SPAG6: variants seen among roughly 807,000 people sequenced by gnomAD.
SPAG6 encodes sperm-associated antigen 6.
SPAG6 carries 49 observed loss-of-function variants against 58.5 expected under a neutral mutation model. The observed-to-expected ratio is 0.84, with a 90% CI of 0.67 to 1.06. SPAG6 has a LOEUF of 1.06. Among genes scored for constraint, SPAG6 ranks in the 50% least tolerant of loss-of-function variants. The pLI, the probability that SPAG6 is intolerant of heterozygous loss-of-function variation, is 0.00. For missense variants in SPAG6, 560 were observed against 611.3 expected, an observed-to-expected ratio of 0.92 and a Z score of 0.89; for synonymous variants, 233 against 225.6, an observed-to-expected ratio of 1.03 and a Z score of -0.29.
intron 9 of SPAG6, among the ~76,000 whole-genome samples, chr10:22,409,740 T>C (rs1199544232): frequency 2.0e-5 from 3 of 152,138 alleles, no homozygotes; most frequent in African/African-American, 7.2e-5. Flanking sequence ...ACTTCCCACA[T>C]TGTGACCCCA....
intron 8 of SPAG6, 150 bp from the exon 9 acceptor site, chr10:22,401,011 T>C: frequency 1.7e-6 from 1 of 578,650 alleles, no homozygotes; most frequent in South Asian, 2.3e-5. Flanking sequence ...GCAGGAGTTT[T>C]TTTTGGACAA....
intron 4 of SPAG6, among the ~76,000 whole-genome samples, chr10:22,373,231 A>G (rs1833741181): frequency 6.6e-6 from 1 of 152,192 alleles, no homozygotes; most frequent in Non-Finnish European, 1.5e-5. Flanking sequence ...TGACGGAAAC[A>G]TTGAGTCCAT....
rs144018248 is a variant in SPAG6, at chr10:22,411,291, A to G, written c.1460+115A>G. 9.1e-4 allele frequency: 695 copies of G among 760,066 alleles called. 3 individuals carry two copies. In the African/African-American group the frequency reaches 0.011, roughly 12 times the overall value. 47.1% of individuals were successfully genotyped at this position (760,066 alleles called of 1,614,324 possible). A position where few individuals can be genotyped will look rare whatever the true frequency, so the allele number is the denominator to read the frequency against. ...GGACTTTGAAATACGATGTGAGGCC[A>G]ATATGTACCTTTATTTCTCTCTTGA... On this transcript the variant is annotated intron_variant, in intron 10 of 10. Coordinates refer to ENST00000376624, the MANE Select transcript of SPAG6 (RefSeq NM_012443.4).
chr10:22,355,640 G>C (rs1836844878), intron 2 of SPAG6, among the ~76,000 whole-genome samples: 1 of 152,162 alleles, frequency 6.6e-6, no homozygotes, highest in Admixed American at 6.5e-5. Flanking sequence ...AAGACTTTTT[G>C]TGTGTTATAA....
At chr10:22,412,460 G>C in intron 10 of SPAG6, 1 of 1,527,974 alleles carries the variant, frequency 6.5e-7, no homozygotes, top group Non-Finnish European at 8.8e-7. Context: ...TCTTTCCAGA[G>C]TTGCAAGTTT....
At chr10:22,356,281 C>T (rs1174264960) in intron 2 of SPAG6, among the ~76,000 whole-genome samples, 2 of 152,236 alleles carry the variant, frequency 1.3e-5, no homozygotes, top group African/African-American at 4.8e-5. Context: ...AGGATGGCTG[C>T]TGTGCTGTGC....
At chr10:22,403,092 T>C (rs1480707390) in intron 9 of SPAG6, among the ~76,000 whole-genome samples, 1 of 152,198 alleles carries the variant, frequency 6.6e-6, no homozygotes, top group Non-Finnish European at 1.5e-5. Flanking sequence ...CTGTATCATA[T>C]ACACTTATAA....
chr10:22,384,624 C>T (rs1207000164), intron 4 of SPAG6, among the ~76,000 whole-genome samples: 1 of 152,138 alleles, frequency 6.6e-6, no homozygotes, highest in Non-Finnish European at 1.5e-5. Context: ...GGGATGTAAA[C>T]TATATGAAAT....
intron 4 of SPAG6, among the ~76,000 whole-genome samples, chr10:22,372,078 A>G (rs991881593): frequency 2.0e-5 from 3 of 152,112 alleles, no homozygotes; most frequent in African/African-American, 7.2e-5. Context: ...TTCTTCTCAG[A>G]TAGGCTTTCG....
intron 10 of SPAG6, among the ~76,000 whole-genome samples, chr10:22,412,027 T>G (rs1331036679): frequency 6.6e-6 from 1 of 151,998 alleles, no homozygotes; most frequent in African/African-American, 2.4e-5. Flanking sequence ...TTTTTTGTAT[T>G]TTTAGTAGAG....
At chr10:22,389,394 C>T in intron 7 of SPAG6, 82 bp downstream of exon 7, 1 of 1,399,338 alleles carries the variant, frequency 7.1e-7, no homozygotes, top group East Asian at 2.3e-5. Flanking sequence ...CAACAGAATA[C>T]AAAATATAAC....
intron 3 of SPAG6, among the ~76,000 whole-genome samples, chr10:22,367,758 A>T (rs1398123297): frequency 6.6e-6 from 1 of 152,102 alleles, no homozygotes; most frequent in East Asian, 1.9e-4. Flanking sequence ...AGTTTCATTT[A>T]CTCATTCCTT....
intron 9 of SPAG6, among the ~76,000 whole-genome samples, chr10:22,410,796 T>C (rs1834712304): frequency 1.3e-5 from 2 of 152,202 alleles, no homozygotes; most frequent in African/African-American, 4.8e-5. Flanking sequence ...TGTGAGTGGA[T>C]CTCCATTGCC....
At chr10:22,367,170 A>G (rs1049075786) in intron 3 of SPAG6, among the ~76,000 whole-genome samples, 1 of 152,116 alleles carries the variant, frequency 6.6e-6, no homozygotes, top group Non-Finnish European at 1.5e-5. Context: ...TGTTCTGTAA[A>G]TTTGACAATT....
chr10:22,417,113 C>G lies in SPAG6; in HGVS notation c.*425C>G. On this transcript the variant is annotated 3_prime_UTR_variant, in exon 11 of 11. Coordinates refer to ENST00000376624, the MANE Select transcript of SPAG6 (RefSeq NM_012443.4). ...ATATAGTAGTATACACAAGAGAAAT[C>G]TTTGAAGGAGGAAACTGATGACAGA... 6.5e-6 allele frequency: 1 copy of G among 152,942 alleles called. No homozygotes were observed. The highest frequency in any genetic ancestry group is 1.9e-4 in the East Asian group (1 of 5,222). 9.5% of individuals were successfully genotyped at this position (152,942 alleles called of 1,614,324 possible).
In SPAG6 at chr10:22,345,778, G is replaced by A; in HGVS notation, c.81G>A (p.Leu27=). ...AGTTCGTGCAGATGGTGGCGGAGCT[G>A]GCGACTAGACCCCAAAACATCGAGA... is the stretch of plus-strand genomic sequence containing the variant. ...RTQFVQMVAE[L]ATRPQNIETL... The change falls in exon 2 of 11, where the codon CTG becomes CTA. Residue 27 remains leucine (L), a synonymous_variant. Transcript: ENST00000376624. This position sits in a 1 kb window ranked among gnomAD's most constrained non-coding sequence, Gnocchi z 6.3. The A allele has an allele frequency of 6.2e-7, 1 of 1,613,740 alleles. No homozygotes were observed. The highest frequency in any genetic ancestry group is 8.5e-7 in the Non-Finnish European group (1 of 1,179,852).
intron 10 of SPAG6, among the ~76,000 whole-genome samples, chr10:22,416,287 C>G (rs1343780686): frequency 6.6e-6 from 1 of 151,926 alleles, no homozygotes; most frequent in East Asian, 1.9e-4. Context: ...ATCCTTAAAG[C>G]AACATTAGCC....
intron 6 of SPAG6, 121 bp from the exon 7 acceptor site, chr10:22,389,039 C>T (rs1385553150): frequency 1.4e-6 from 1 of 717,488 alleles, no homozygotes. Flanking sequence ...AATAATTTCA[C>T]TAAATGATAA....
intron 10 of SPAG6, among the ~76,000 whole-genome samples, chr10:22,415,740 T>C (rs1480733854): frequency 1.3e-5 from 2 of 152,218 alleles, no homozygotes; most frequent in Non-Finnish European, 2.9e-5. Context: ...AAAGCAAGTC[T>C]CTAATATTAG....
Sources: allele counts gnomAD v4.1 joint callset (sites outside exome capture counted in the v4.1 genomes callset), GRCh38; gene constraint gnomAD v4.1.1; non-coding constraint Gnocchi (gnomAD v3.1); transcripts MANE v1.5; gene names NCBI Gene and HGNC (gene_info 2026-07-23, HGNC 2026-07-21).